COLGALT2: variants seen among roughly 807,000 people sequenced by gnomAD.
The protein encoded by COLGALT2 is collagen beta(1-O)galactosyltransferase 2.
In COLGALT2, 49 loss-of-function variants were observed where a neutral mutation model predicts 73.4. The observed-to-expected ratio is 0.67, with a 90% CI of 0.53 to 0.85. COLGALT2 has a LOEUF of 0.85. COLGALT2 is among the 40% of genes least tolerant of loss of function. The pLI, the probability that COLGALT2 is intolerant of heterozygous loss-of-function variation, is 0.00. For synonymous variants in COLGALT2, 295 were observed against 307.6 expected (o/e 0.96, Z 0.43); for missense variants, 722 against 790.2 (o/e 0.91, Z 1.03).
At position 183,938,626 on chromosome 1, in the gene COLGALT2, C is replaced by T. The variant is rs1670027435; in HGVS notation, c.*135G>A. On this transcript the variant is annotated 3_prime_UTR_variant, in exon 12 of 12. Transcript: ENST00000361927. ...AAAATATGTTAATTTCGATCTATCA[C>T]ACTAGATCACTTTGGTTAGATGACT... 8 of 1,455,772 alleles carry T rather than the reference C, an allele frequency of 5.5e-6. No homozygotes were observed. Among genetic ancestry groups the T allele is most frequent in the Non-Finnish European group, 7.3e-6 (8 of 1,102,410 alleles). The allele number at this position is 1,455,772 out of a possible 1,614,324, so 90.2% of individuals were successfully genotyped here.
rs151194611 is a variant in COLGALT2, at chr1:183,938,081, T to G, written c.*680A>C. ...ACAAACTGTCAAATATCTACTAAAT[T>G]ATATCCACATGGCAAACTGGTCACC... On this transcript the variant is annotated 3_prime_UTR_variant, in exon 12 of 12. Transcript: ENST00000361927. 4.1e-6 allele frequency: 4 copies of G among 985,392 alleles called. No homozygotes were observed. Among genetic ancestry groups the G allele is most frequent in the Non-Finnish European group, 4.8e-6 (4 of 829,948 alleles). The allele number at this position is 985,392 out of a possible 1,614,324, so 61.0% of individuals were successfully genotyped here.
At chr1:184,013,047 G>C (rs988914921) in intron 1 of COLGALT2, among the ~76,000 whole-genome samples, 4 of 152,242 alleles carry the variant, frequency 2.6e-5, no homozygotes, top group African/African-American at 9.6e-5. Flanking sequence ...AGGTGCGGTG[G>C]CTCACGCCTG....
At chr1:184,000,536 T>C (rs1671891199) in intron 1 of COLGALT2, among the ~76,000 whole-genome samples, 1 of 124,604 alleles carries the variant, frequency 8.0e-6, no homozygotes. Context: ...TAGTTTTATC[T>C]TGATTTTGTA....
chr1:184,010,632 T>C (rs1025702785), intron 1 of COLGALT2, among the ~76,000 whole-genome samples: 5 of 152,114 alleles, frequency 3.3e-5, no homozygotes, highest in African/African-American at 1.2e-4. Flanking sequence ...CAGGCCTGAG[T>C]GAAGGACAAT....
intron 6 of COLGALT2, among the ~76,000 whole-genome samples, chr1:183,957,121 C>G (rs1027647549): frequency 1.5e-4 from 23 of 151,992 alleles, no homozygotes; most frequent in African/African-American, 5.1e-4. Context: ...TTACAGAGGT[C>G]TTATCACTCA....
intron 1 of COLGALT2, among the ~76,000 whole-genome samples, chr1:183,983,080 C>T (rs1671396060): frequency 6.6e-6 from 1 of 152,218 alleles, no homozygotes; most frequent in South Asian, 2.1e-4. Flanking sequence ...AAAACAGATG[C>T]ACAGATTTCA....
At chr1:184,015,343 C>T (rs1247238821) in intron 1 of COLGALT2, among the ~76,000 whole-genome samples, 1 of 152,132 alleles carries the variant, frequency 6.6e-6, no homozygotes, top group Non-Finnish European at 1.5e-5. Flanking sequence ...CTACCATGAC[C>T]AGGTGCTCTA....
At chr1:183,960,000 G>A (rs1197487942) in intron 6 of COLGALT2, among the ~76,000 whole-genome samples, 2 of 152,094 alleles carry the variant, frequency 1.3e-5, no homozygotes, top group African/African-American at 2.4e-5. Flanking sequence ...ATTGTCTATT[G>A]TCTAACTCTC....
In COLGALT2 at chr1:183,937,042, G is replaced by A. The variant is rs1022093412; in HGVS notation, c.*1719C>T. ...CTGAGCCATGCTGTTCAACCTTAAT[G>A]TGGCAATCAGTATCACATGGGCAGT... On this transcript the variant is annotated 3_prime_UTR_variant, in exon 12 of 12. Coordinates refer to ENST00000361927, the MANE Select transcript of COLGALT2 (RefSeq NM_015101.4). The A allele has an allele frequency of 4.1e-6, 5 of 1,231,608 alleles. No homozygotes were observed. In the African/African-American group the frequency reaches 7.8e-5, roughly 19 times the overall value. The allele number at this position is 1,231,608 out of a possible 1,614,324, so 76.3% of individuals were successfully genotyped here.
intron 6 of COLGALT2, among the ~76,000 whole-genome samples, chr1:183,958,015 C>T (rs1018979092): frequency 7.9e-5 from 12 of 152,068 alleles, no homozygotes; most frequent in Non-Finnish European, 1.0e-4. Context: ...GAGTAATCTC[C>T]TCATGCTTTA....
At chr1:184,025,730 A>G (rs934200516) in intron 1 of COLGALT2, among the ~76,000 whole-genome samples, 2 of 152,240 alleles carry the variant, frequency 1.3e-5, no homozygotes, top group African/African-American at 4.8e-5. Flanking sequence ...CAACACTCTT[A>G]GCAAACACCT....
chr1:183,937,666 G>C lies in COLGALT2; in HGVS notation c.*1095C>G. 1.0e-6 allele frequency: 1 copy of C among 985,396 alleles called. No individual in the cohort carries two copies. Among genetic ancestry groups the C allele is most frequent in the Non-Finnish European group, 1.2e-6 (1 of 829,934 alleles). The allele number at this position is 985,396 out of a possible 1,614,324, so 61.0% of individuals were successfully genotyped here. A position where few individuals can be genotyped will look rare whatever the true frequency, so the allele number is the denominator to read the frequency against. ...AGGAGAATCAGATTGCCGAACCAAT[G>C]TGTCCACACCCACCACTCCCCCGGG... On this transcript the variant is annotated 3_prime_UTR_variant, in exon 12 of 12. Coordinates refer to ENST00000361927, the MANE Select transcript of COLGALT2 (RefSeq NM_015101.4).
chr1:183,952,723 G>A (rs1670434398), intron 7 of COLGALT2, among the ~76,000 whole-genome samples: 1 of 152,220 alleles, frequency 6.6e-6, no homozygotes, highest in South Asian at 2.1e-4. Flanking sequence ...TTGTCCACCT[G>A]ATTTAGGGCC....
intron 2 of COLGALT2, among the ~76,000 whole-genome samples, chr1:183,976,106 GTTCTAATATTTTTT>G (rs1671182664): frequency 6.6e-6 from 1 of 152,072 alleles, no homozygotes; most frequent in Non-Finnish European, 1.5e-5. Flanking sequence ...AAAAATGCCT[GTTCTAATATTTTTT>G]CACACTGACC....
Position 183,940,674 on chromosome 1 carries a change from A to C in COLGALT2, c.1511T>G (p.Leu504Arg). 1 of 1,614,232 alleles carries C rather than the reference A, an allele frequency of 6.2e-7. No individual in the cohort carries two copies. The highest frequency in any genetic ancestry group is 8.5e-7 in the Non-Finnish European group (1 of 1,180,044). Residue 504 changes from leucine (L) to arginine (R), a missense_variant, in exon 11 of 12, where the codon CTG becomes CGG. Physicochemically the swap from Leu to Arg is moderately radical, Grantham distance 102. Transcript: ENST00000361927. ...TCCAACCAGCTTCTGTGCTCCTTCC[A>C]GAGAGATGACGTAGCCCAGGGTCCA... The part of the protein sequence containing the change: ...SYWTLGYVIS[L>R]EGAQKLVGAN...
At chr1:183,991,520 G>A (rs1224898062) in intron 1 of COLGALT2, among the ~76,000 whole-genome samples, 1 of 152,160 alleles carries the variant, frequency 6.6e-6, no homozygotes, top group African/African-American at 2.4e-5. Flanking sequence ...AAAAAAAAAT[G>A]TCAGCCCAGT....
At chr1:183,958,187 C>T (rs950750451) in intron 6 of COLGALT2, among the ~76,000 whole-genome samples, 23 of 152,214 alleles carry the variant, frequency 1.5e-4, no homozygotes, top group African/African-American at 4.3e-4. Flanking sequence ...TAGTCATTGT[C>T]GTCATAACCC....
Position 183,973,582 on chromosome 1 carries a change from T to G in COLGALT2, c.627+34A>C, listed in dbSNP as rs1211751089. On this transcript the variant is annotated intron_variant, in intron 4 of 11. Transcript: ENST00000361927. The stretch of plus-strand genomic sequence containing the variant: ...TGACCGGGTGTTGCCTTGTTAAAAC[T>G]AGTAGCCTTAATTCATTTAAGCAAA... The G allele has an allele frequency of 2.5e-6, 4 of 1,613,248 alleles. No individual in the cohort carries two copies. The South Asian group carries it at 4.4e-5, about 18-fold the overall frequency.
At chr1:183,995,625 C>G (rs1221124269) in intron 1 of COLGALT2, among the ~76,000 whole-genome samples, 1 of 152,118 alleles carries the variant, frequency 6.6e-6, no homozygotes, top group Non-Finnish European at 1.5e-5. Context: ...ATGTTTGCTT[C>G]CAGCGGGTGT....
Sources: gnomAD v4.1 joint callset for allele counts (sites outside exome capture counted in the v4.1 genomes callset) on GRCh38, gnomAD v4.1.1 for gene constraint, MANE v1.5 for transcripts, NCBI Gene and HGNC (gene_info 2026-07-23, HGNC 2026-07-21) for gene names.